Variants in TENM3 observed in about 807,000 individuals in gnomAD.
TENM3 encodes the protein teneurin transmembrane protein 3, also known as teneurin-3.
TENM3 carries 63 observed loss-of-function variants against 255.1 expected under a neutral mutation model. That is an observed-to-expected ratio of 0.25 (90% CI 0.20 to 0.30). The LOEUF is 0.30. Among genes scored for constraint, TENM3 ranks in the 10% least tolerant of loss-of-function variants. The pLI is 1.00. For missense variants in TENM3, 2,929 were observed against 3,461.1 expected (o/e 0.85, Z 3.86); for synonymous variants, 1,306 against 1,322.3 (o/e 0.99, Z 0.27).
intron 12 of TENM3, among the ~76,000 whole-genome samples, chr4:182,698,330 C>T (rs572972297): frequency 6.6e-6 from 1 of 152,334 alleles, no homozygotes; most frequent in African/African-American, 2.4e-5. Context: ...TTGGACTCTT[C>T]TACCAACCTC....
chr4:181,477,279 G>A, the TENM3 span, among the ~76,000 whole-genome samples: 1 of 152,190 alleles, frequency 6.6e-6, no homozygotes, highest in South Asian at 2.1e-4. Context: ...GTGGGGACTT[G>A]AATAAGTGAT....
intron 4 of TENM3, among the ~76,000 whole-genome samples, chr4:182,625,309 C>T (rs549897119): frequency 4.6e-5 from 7 of 152,224 alleles, no homozygotes; most frequent in East Asian, 1.9e-4. Context: ...GAGTGGCAGT[C>T]GGGGGAGGGA....
chr4:181,674,758 T>G, the TENM3 span, among the ~76,000 whole-genome samples: 1 of 152,190 alleles, frequency 6.6e-6, no homozygotes, highest in African/African-American at 2.4e-5. Flanking sequence ...ATTGGTGTTT[T>G]GGACCACATT....
chr4:182,442,851 C>T (rs80153801), intron 3 of TENM3, among the ~76,000 whole-genome samples: 14,555 of 50,902 alleles, frequency 0.29, 893 homozygotes, highest in African/African-American at 0.36. Context: ...CATATATACA[C>T]ACACACACAC....
At chr4:182,594,075 C>G (rs959412764) in intron 3 of TENM3, among the ~76,000 whole-genome samples, 1 of 152,168 alleles carries the variant, frequency 6.6e-6, no homozygotes, top group African/African-American at 2.4e-5. Context: ...GAAAAGGTGA[C>G]TAGGCCGAAC....
chr4:182,488,884 G>A (rs941236759), intron 3 of TENM3, among the ~76,000 whole-genome samples: 9 of 152,004 alleles, frequency 5.9e-5, no homozygotes, highest in Non-Finnish European at 8.8e-5. Flanking sequence ...GGTGGGAAGC[G>A]GAGGTAGCAA....
At chr4:182,183,672 C>T (rs1466787742) in intron 1 of TENM3, among the ~76,000 whole-genome samples, 3 of 152,110 alleles carry the variant, frequency 2.0e-5, no homozygotes, top group Non-Finnish European at 4.4e-5. Context: ...GCGTCCTCAA[C>T]CATGTGCACA....
At chr4:181,745,255 G>A in the TENM3 span, among the ~76,000 whole-genome samples, 1 of 152,170 alleles carries the variant, frequency 6.6e-6, no homozygotes, top group African/African-American at 2.4e-5. Context: ...GCTTAAATTA[G>A]CAATGTTAGG....
intron 1 of TENM3, among the ~76,000 whole-genome samples, chr4:182,304,814 G>A (rs1371818880): frequency 2.0e-5 from 3 of 152,134 alleles, no homozygotes; most frequent in Non-Finnish European, 2.9e-5. Flanking sequence ...TAGGGGATTT[G>A]TGGGGTTGTG....
chr4:182,616,575 G>GA (rs376875213), intron 4 of TENM3, among the ~76,000 whole-genome samples: 15,029 of 96,122 alleles, frequency 0.16, 1,476 homozygotes, highest in African/African-American at 0.27. Flanking sequence ...CTAACACAGT[G>GA]AAAAAAAAAA....
chr4:181,742,645 A>G, the TENM3 span, among the ~76,000 whole-genome samples: 1 of 151,936 alleles, frequency 6.6e-6, no homozygotes, highest in Non-Finnish European at 1.5e-5. Flanking sequence ...GATGATTGGA[A>G]GTGCTTTTTT....
chr4:181,767,268 A>AAAAG, the TENM3 span, among the ~76,000 whole-genome samples: 4 of 149,916 alleles, frequency 2.7e-5, no homozygotes, highest in African/African-American at 7.4e-5. Flanking sequence ...AAAAAAAAAA[A>AAAAG]AAAGAAAGAA....
At chr4:182,712,409 A>C (rs1758810526) in intron 12 of TENM3, among the ~76,000 whole-genome samples, 1 of 151,976 alleles carries the variant, frequency 6.6e-6, no homozygotes, top group African/African-American at 2.4e-5. Flanking sequence ...TCAGTGGGGC[A>C]ATTCAACCTT....
the TENM3 span, among the ~76,000 whole-genome samples, chr4:182,013,425 G>A: frequency 6.6e-6 from 1 of 152,214 alleles, no homozygotes; most frequent in African/African-American, 2.4e-5. Context: ...ACTGCCATCA[G>A]AGAAGAGCTT....
intron 2 of TENM3, among the ~76,000 whole-genome samples, chr4:182,331,149 A>G (rs1763727872): frequency 6.6e-6 from 1 of 152,158 alleles, no homozygotes; most frequent in African/African-American, 2.4e-5. Flanking sequence ...TTTAGCAAAA[A>G]CAGCTCCAAG....
chr4:182,032,104 G>GTCTTGTCAACTCCTATGTTGAAT, the TENM3 span, among the ~76,000 whole-genome samples: 3 of 152,212 alleles, frequency 2.0e-5, no homozygotes, highest in African/African-American at 7.2e-5. Flanking sequence ...TAGGAGTGGT[G>GTCTTGTCAACTCCTATGTTGAAT]AGAGAGGGTA....
At chr4:182,147,613 C>T (rs1750058419) in intron 1 of TENM3, among the ~76,000 whole-genome samples, 1 of 152,174 alleles carries the variant, frequency 6.6e-6, no homozygotes, top group African/African-American at 2.4e-5. Flanking sequence ...TTGAATTACA[C>T]ATTGCTCATC....
chr4:182,498,726 G>C (rs949899812), intron 3 of TENM3, among the ~76,000 whole-genome samples: 5 of 152,056 alleles, frequency 3.3e-5, no homozygotes. Context: ...GTGGTGGCGT[G>C]TGCCTGTAAT....
chr4:182,539,693 C>A (rs1441769410), intron 3 of TENM3, among the ~76,000 whole-genome samples: 3 of 152,162 alleles, frequency 2.0e-5, no homozygotes, highest in Non-Finnish European at 4.4e-5. Flanking sequence ...TAACTTCATT[C>A]CTTCATTCAG....
Sources: gnomAD v4.1 joint callset for allele counts (sites outside exome capture counted in the v4.1 genomes callset) on GRCh38, gnomAD v4.1.1 for gene constraint, MANE v1.5 for transcripts, NCBI Gene and HGNC (gene_info 2026-07-23, HGNC 2026-07-21) for gene names.